Variants in PARN observed in about 807,000 individuals in gnomAD.
PARN encodes poly(A)-specific ribonuclease, also known as poly(A)-specific ribonuclease PARN.
PARN carries 71 observed loss-of-function variants against 102.8 expected under a neutral mutation model. That is an observed-to-expected ratio of 0.69 (90% CI 0.57 to 0.84). PARN has a LOEUF of 0.84. Among genes scored for constraint, PARN ranks in the 40% least tolerant of loss-of-function variants. PARN has a pLI of 0.00. For missense variants in PARN, 782 were observed against 760.9 expected (o/e 1.03, Z -0.33); for synonymous variants, 261 against 252.9 (o/e 1.03, Z -0.30).
At chr16:14,584,189 T>C (rs1437257586) in intron 16 of PARN, among the ~76,000 whole-genome samples, 158 bp downstream of exon 16, 1 of 152,138 alleles carries the variant, frequency 6.6e-6, no homozygotes, top group Non-Finnish European at 1.5e-5. Flanking sequence ...CCATCTTTAT[T>C]CAAAAAACAA....
rs1344391340 is a variant in PARN at position 14,584,716 on chromosome 16, C to T, written c.1005+33G>A. On this transcript the variant is annotated intron_variant, in intron 15 of 23. Coordinates refer to ENST00000437198, the MANE Select transcript of PARN (RefSeq NM_002582.4). ...GGCATTCATTTCACTCAGTAATATG[C>T]AGTCGCTTTATAAAGTAGCAAATGA... The T allele has an allele frequency of 4.1e-6, 6 of 1,477,234 alleles. No individual in the cohort carries two copies. In the African/African-American group the frequency reaches 7.1e-5, roughly 17 times the overall value. 91.5% of individuals were successfully genotyped at this position (1,477,234 alleles called of 1,614,324 possible). A position where few individuals can be genotyped will look rare whatever the true frequency, so the allele number is the denominator to read the frequency against.
intron 21 of PARN, among the ~76,000 whole-genome samples, chr16:14,545,490 G>A (rs1413975473): frequency 2.1e-5 from 3 of 146,166 alleles, no homozygotes; most frequent in African/African-American, 7.3e-5. Flanking sequence ...TAAAACATAC[G>A]TATAAATAAA....
intron 6 of PARN, among the ~76,000 whole-genome samples, chr16:14,615,334 C>T (rs902113661): frequency 8.6e-5 from 13 of 151,466 alleles, no homozygotes; most frequent in Middle Eastern, 3.4e-3. Flanking sequence ...TAGAACTATG[C>T]ATCCATATGA....
At chr16:14,579,789 A>G (rs1969390618) in intron 18 of PARN, among the ~76,000 whole-genome samples, 1 of 152,158 alleles carries the variant, frequency 6.6e-6, no homozygotes, top group South Asian at 2.1e-4. Flanking sequence ...AAGCCTATTC[A>G]GCATGGTGAA....
At chr16:14,495,405 G>A (rs553073437) in intron 21 of PARN, among the ~76,000 whole-genome samples, 40 of 152,148 alleles carry the variant, frequency 2.6e-4, no homozygotes, top group Non-Finnish European at 4.7e-4. Flanking sequence ...GGAGTTTGAG[G>A]CTGTAGTGAG....
At chr16:14,508,797 C>T (rs182311476) in intron 21 of PARN, among the ~76,000 whole-genome samples, 6 of 150,004 alleles carry the variant, frequency 4.0e-5, no homozygotes, top group Admixed American at 6.7e-5. Flanking sequence ...TGGTGGCTAA[C>T]GCCTATAATC....
At chr16:14,577,654 C>T (rs1476364253) in intron 18 of PARN, among the ~76,000 whole-genome samples, 1 of 151,974 alleles carries the variant, frequency 6.6e-6, no homozygotes, top group Non-Finnish European at 1.5e-5. Flanking sequence ...ACTTTACTTA[C>T]TTACTTACTT....
chr16:14,568,201 T>C (rs1389673891), intron 18 of PARN, among the ~76,000 whole-genome samples: 1 of 151,154 alleles, frequency 6.6e-6, no homozygotes, highest in Non-Finnish European at 1.5e-5. Context: ...AACTTTATTT[T>C]TTTTATTTTT....
intron 21 of PARN, among the ~76,000 whole-genome samples, chr16:14,546,419 T>G (rs1966946474): frequency 6.6e-6 from 1 of 152,228 alleles, no homozygotes; most frequent in Non-Finnish European, 1.5e-5. Flanking sequence ...TACAACTATC[T>G]GAATTTGGGC....
At chr16:14,616,131 G>C (rs939758668) in intron 6 of PARN, among the ~76,000 whole-genome samples, 6 of 152,058 alleles carry the variant, frequency 3.9e-5, no homozygotes, top group African/African-American at 1.4e-4. Context: ...TATTGACCTT[G>C]TACATACTTA....
chr16:14,459,689 A>G (rs969000569), intron 22 of PARN, among the ~76,000 whole-genome samples: 1 of 152,210 alleles, frequency 6.6e-6, no homozygotes, highest in African/African-American at 2.4e-5. Flanking sequence ...GGAAAAGTGA[A>G]TAGAATAAAC....
rs1972967618 is a variant in PARN at position 14,630,243 on chromosome 16, G to A, written c.-118C>T. 2 of 895,094 alleles carry A rather than the reference G, an allele frequency of 2.2e-6. No homozygotes were observed. The highest frequency in any genetic ancestry group is 1.7e-5 in the African/African-American group (1 of 57,342). The allele number at this position is 895,094 out of a possible 1,614,324, so 55.4% of individuals were successfully genotyped here. A position where few individuals can be genotyped will look rare whatever the true frequency, so the allele number is the denominator to read the frequency against. On this transcript the variant is annotated 5_prime_UTR_variant, in exon 1 of 24. Coordinates refer to ENST00000437198, the MANE Select transcript of PARN (RefSeq NM_002582.4). Reference sequence around the variant, plus strand: ...TGAGGCAGCCGCAGCGGTGACGCCGGCCGCGACTTCCGGAAACAGCGCGCG... The same window carrying A: ...TGAGGCAGCCGCAGCGGTGACGCCGACCGCGACTTCCGGAAACAGCGCGCG...
intron 21 of PARN, among the ~76,000 whole-genome samples, chr16:14,520,471 T>C (rs931739306): frequency 6.6e-6 from 1 of 152,084 alleles, no homozygotes; most frequent in Non-Finnish European, 1.5e-5. Context: ...CTCATGCCTG[T>C]AATCTCAGCA....
intron 10 of PARN, 83 bp downstream of exon 10, chr16:14,606,401 A>G: frequency 1.3e-6 from 1 of 747,102 alleles, no homozygotes. Flanking sequence ...CTGAGGGAAA[A>G]AAAAAAAGAA....
At chr16:14,532,752 T>C (rs1157879318) in intron 21 of PARN, among the ~76,000 whole-genome samples, 7 of 141,696 alleles carry the variant, frequency 4.9e-5, no homozygotes, top group South Asian at 2.3e-4. Context: ...GCTGGCCGGG[T>C]GGGGGGCTGA....
chr16:14,499,549 T>C (rs1964480836), intron 21 of PARN, among the ~76,000 whole-genome samples: 1 of 152,254 alleles, frequency 6.6e-6, no homozygotes, highest in Non-Finnish European at 1.5e-5. Context: ...AAAGTGATAT[T>C]GACATTGTTC....
At chr16:14,614,982 C>G (rs976487930) in intron 6 of PARN, among the ~76,000 whole-genome samples, 1 of 151,164 alleles carries the variant, frequency 6.6e-6, no homozygotes, top group Non-Finnish European at 1.5e-5. Context: ...GGAAAACCAC[C>G]GGGGATGGAG....
chr16:14,557,678 G>C (rs1967785020), intron 18 of PARN, among the ~76,000 whole-genome samples: 1 of 151,920 alleles, frequency 6.6e-6, no homozygotes, highest in Non-Finnish European at 1.5e-5. Context: ...TCTGTGGTTT[G>C]AGAATTTGTT....
At chr16:14,593,492 TAA>T (rs35329440) in intron 12 of PARN, 114 bp from the exon 13 acceptor site, 28 of 31,810 alleles carry the variant, frequency 8.8e-4, no homozygotes, top group South Asian at 1.7e-3. Context: ...TTTCCAGACT[TAA>T]AAAAAAAAAA....
Sources: gnomAD v4.1 joint callset for allele counts (sites outside exome capture counted in the v4.1 genomes callset) on GRCh38, gnomAD v4.1.1 for gene constraint, MANE v1.5 for transcripts, NCBI Gene and HGNC (gene_info 2026-07-23, HGNC 2026-07-21) for gene names.